FAF1: variants seen among roughly 807,000 people sequenced by gnomAD.
The protein encoded by FAF1 is Fas associated factor 1.
FAF1 carries 25 observed loss-of-function variants against 92.5 expected under a neutral mutation model. The ratio of observed to expected loss-of-function variants is 0.27; its 90% confidence interval spans 0.20 to 0.38. The LOEUF (loss-of-function observed/expected upper bound fraction) is 0.38, where lower values mean the gene tolerates loss of function less well. Ranked by LOEUF, FAF1 falls within the 10% of genes least tolerant of loss-of-function variation. The pLI, the probability that FAF1 is intolerant of heterozygous loss-of-function variation, is 1.00. For synonymous variants in FAF1, 234 were observed against 273.2 expected, an observed-to-expected ratio of 0.86 and a Z score of 1.42; for missense variants, 636 against 793.3, an observed-to-expected ratio of 0.80 and a Z score of 2.38.
At chr1:50,923,060 T>C (rs1473901998) in intron 1 of FAF1, among the ~76,000 whole-genome samples, 2 of 151,890 alleles carry the variant, frequency 1.3e-5, no homozygotes, top group Non-Finnish European at 2.9e-5. Context: ...ACTACCAAGA[T>C]TGAACAATGA....
rs1054489419 is a variant in FAF1, at chr1:50,584,901, C to T, written c.841-90G>A. 3.1e-5 allele frequency: 37 copies of T among 1,200,284 alleles called. No homozygotes were observed. The African/African-American group carries it at 3.1e-4, about 10-fold the overall frequency. 74.4% of individuals were successfully genotyped at this position (1,200,284 alleles called of 1,614,324 possible). On this transcript the variant is annotated intron_variant, in intron 9 of 18. Transcript: ENST00000396153. ...TATAATAATAACAACAGGACATAAG[C>T]GTTATAAAATTTTTATCAAATAAAC...
intron 7 of FAF1, among the ~76,000 whole-genome samples, chr1:50,680,872 G>C (rs917926868): frequency 2.3e-4 from 35 of 152,054 alleles, no homozygotes; most frequent in African/African-American, 8.5e-4. Context: ...AAACACCTCT[G>C]ATTTTCTTGT....
chr1:50,900,577 G>T (rs761122076), intron 1 of FAF1, among the ~76,000 whole-genome samples: 14 of 152,076 alleles, frequency 9.2e-5, no homozygotes, highest in Non-Finnish European at 1.8e-4. Context: ...GCCAGAGCAA[G>T]TTACTTCACC....
At chr1:50,580,299 AATTT>A (rs1250645162) in intron 12 of FAF1, among the ~76,000 whole-genome samples, 8 of 151,892 alleles carry the variant, frequency 5.3e-5, no homozygotes, top group Non-Finnish European at 1.2e-4. Flanking sequence ...AATTTATAAA[AATTT>A]ATTCATCAAA....
At chr1:50,660,535 C>G (rs912637483) in intron 7 of FAF1, among the ~76,000 whole-genome samples, 1 of 150,896 alleles carries the variant, frequency 6.6e-6, no homozygotes, top group Non-Finnish European at 1.5e-5. Context: ...CTTGCTCTGT[C>G]GCCCAGGCCA....
intron 2 of FAF1, among the ~76,000 whole-genome samples, chr1:50,852,405 T>C (rs954205205): frequency 1.3e-5 from 2 of 152,222 alleles, no homozygotes; most frequent in African/African-American, 2.4e-5. Flanking sequence ...AATTACTATA[T>C]GTCACAGACA....
chr1:50,871,352 G>A (rs1005356507), intron 1 of FAF1, among the ~76,000 whole-genome samples: 11 of 152,242 alleles, frequency 7.2e-5, no homozygotes, highest in Admixed American at 5.2e-4. Flanking sequence ...AACATTCTAT[G>A]TGGATAAAAC....
chr1:50,721,478 G>T (rs1658409727), intron 6 of FAF1, among the ~76,000 whole-genome samples: 1 of 152,064 alleles, frequency 6.6e-6, no homozygotes, highest in South Asian at 2.1e-4. Context: ...CTCCCAAAGT[G>T]CTGGAATTAC....
At chr1:50,577,887 G>A (rs1172148368) in intron 12 of FAF1, among the ~76,000 whole-genome samples, 5 of 152,160 alleles carry the variant, frequency 3.3e-5, no homozygotes, top group Non-Finnish European at 7.3e-5. Context: ...GCTCTGCTTC[G>A]TACAGTACTG....
intron 6 of FAF1, 157 bp from the exon 7 acceptor site, chr1:50,706,048 C>A (rs546553224): frequency 5.4e-6 from 3 of 550,848 alleles, no homozygotes; most frequent in Non-Finnish European, 9.8e-6. Flanking sequence ...CAAGAGAACA[C>A]ACTGAGAACA....
chr1:50,509,444 T>G (rs945069432), intron 15 of FAF1, among the ~76,000 whole-genome samples: 3 of 151,950 alleles, frequency 2.0e-5, no homozygotes, highest in Non-Finnish European at 4.4e-5. Flanking sequence ...AGACCCTATC[T>G]CTACAAAAAA....
In FAF1 at chr1:50,438,834, T is replaced by C. The variant is rs1175146269; in HGVS notation, c.*2606A>G. On this transcript the variant is annotated 3_prime_UTR_variant, in exon 19 of 19. Transcript: ENST00000396153. ...GTAGATTCCATAAAAGATGCTCTCA[T>C]TCATCTTTGATTCTGGATGCTTACA... 1 of 152,230 alleles carries C rather than the reference T, an allele frequency of 6.6e-6. No homozygotes were observed. The highest frequency in any genetic ancestry group is 2.4e-5 in the African/African-American group (1 of 41,456). The allele number at this position is 152,230 out of a possible 1,614,324, so 9.4% of individuals were successfully genotyped here. A position where few individuals can be genotyped will look rare whatever the true frequency, so the allele number is the denominator to read the frequency against.
At chr1:50,490,730 T>C (rs1170074976) in intron 16 of FAF1, 65 bp from the exon 17 acceptor site, 1 of 1,015,974 alleles carries the variant, frequency 9.8e-7, no homozygotes, top group East Asian at 2.4e-5. Context: ...AAGAGAGAAA[T>C]AAGGAAAGAG....
At chr1:50,753,643 G>A (rs1383794977) in intron 4 of FAF1, among the ~76,000 whole-genome samples, 1 of 151,834 alleles carries the variant, frequency 6.6e-6, no homozygotes, top group Non-Finnish European at 1.5e-5. Flanking sequence ...TTCAACTCTA[G>A]TTGTTCAACT....
intron 6 of FAF1, among the ~76,000 whole-genome samples, chr1:50,735,076 G>T (rs1462970225): frequency 6.6e-6 from 1 of 152,092 alleles, no homozygotes; most frequent in Non-Finnish European, 1.5e-5. Flanking sequence ...TTCTATACAG[G>T]AATAACTTAA....
At chr1:50,780,260 A>C (rs903422024) in intron 4 of FAF1, 4 of 152,518 alleles carry the variant, frequency 2.6e-5, no homozygotes, top group African/African-American at 9.6e-5. Flanking sequence ...AGATACAAAA[A>C]GATACCCCAA....
intron 7 of FAF1, among the ~76,000 whole-genome samples, chr1:50,664,655 A>G (rs1341828054): frequency 2.0e-5 from 3 of 152,144 alleles, no homozygotes; most frequent in Non-Finnish European, 2.9e-5. Context: ...TTAGCCAGGC[A>G]TGGTGGCGGG....
At chr1:50,908,122 G>A (rs967017670) in intron 1 of FAF1, among the ~76,000 whole-genome samples, 46 of 152,182 alleles carry the variant, frequency 3.0e-4, no homozygotes, top group Non-Finnish European at 4.6e-4. Flanking sequence ...CCTTCATTTC[G>A]TTATATACCC....
chr1:50,953,369 A>AATAATC (rs1370412549), intron 1 of FAF1, among the ~76,000 whole-genome samples: 1 of 151,704 alleles, frequency 6.6e-6, no homozygotes, highest in Non-Finnish European at 1.5e-5. Context: ...CCTCTCCGAG[A>AATAATC]AACACCCAAG....
Sources: gnomAD v4.1 joint callset for allele counts (sites outside exome capture counted in the v4.1 genomes callset) on GRCh38, gnomAD v4.1.1 for gene constraint, MANE v1.5 for transcripts, NCBI Gene and HGNC (gene_info 2026-07-23, HGNC 2026-07-21) for gene names.